PLPPR1: variants seen among roughly 807,000 people sequenced by gnomAD.
The protein encoded by PLPPR1 is phospholipid phosphatase related 1, also known as phospholipid phosphatase-related protein type 1.
In PLPPR1, 10 loss-of-function variants were observed where a neutral mutation model predicts 33.1. The ratio of observed to expected loss-of-function variants is 0.30; its 90% CI spans 0.19 to 0.51. The LOEUF is 0.51. Ranked by LOEUF, PLPPR1 falls within the 20% of genes least tolerant of loss-of-function variation. The pLI, the probability that PLPPR1 is intolerant of heterozygous loss-of-function variation, is 0.97. For missense variants in PLPPR1, 304 were observed against 408.1 expected (o/e 0.74, Z 2.20); for synonymous variants, 151 against 151.0 (o/e 1.00, Z 0.00).
At position 101,210,893 on chromosome 9, in the gene PLPPR1, G is replaced by C. The variant is rs1472947791; in HGVS notation, c.63+25336G>C. Among the ~76,000 whole-genome samples the C allele has an allele frequency of 3.3e-5, 5 of 152,022 alleles. No homozygotes were observed. In the East Asian group the frequency reaches 7.8e-4, roughly 24 times the overall value. On this transcript the variant is annotated intron_variant, in intron 2 of 7. Transcript: ENST00000374874. The stretch of plus-strand genomic sequence containing the variant: ...CACCATTCTCCTGCCTCAGCATCCC[G>C]AGTAGCTGGGACTACAGGCGCCTGC...
chr9:101,091,402 G>C (rs1045069715), intron 1 of PLPPR1, among the ~76,000 whole-genome samples: 1 of 152,120 alleles, frequency 6.6e-6, no homozygotes, highest in African/African-American at 2.4e-5. Flanking sequence ...ATGTTGGCAG[G>C]GCGGCATGTC....
At chr9:101,243,031 G>A (rs1316986779) in intron 2 of PLPPR1, among the ~76,000 whole-genome samples, 2 of 151,988 alleles carry the variant, frequency 1.3e-5, no homozygotes, top group African/African-American at 4.8e-5. Context: ...AAATTCATTA[G>A]GCAAAGAAAT....
intron 1 of PLPPR1, among the ~76,000 whole-genome samples, chr9:101,099,693 T>C (rs1026357480): frequency 1.3e-5 from 2 of 152,170 alleles, no homozygotes; most frequent in Non-Finnish European, 2.9e-5. Context: ...AGAATGACCA[T>C]GCGTATGTTA....
At chr9:101,255,268 A>G (rs1208576260) in intron 2 of PLPPR1, among the ~76,000 whole-genome samples, 1 of 152,146 alleles carries the variant, frequency 6.6e-6, no homozygotes, top group Non-Finnish European at 1.5e-5. Flanking sequence ...ATACTGCAGC[A>G]TGACCAATTT....
At chr9:101,262,811 A>T (rs1827924670) in intron 2 of PLPPR1, among the ~76,000 whole-genome samples, 1 of 152,234 alleles carries the variant, frequency 6.6e-6, no homozygotes. Context: ...ATACCATGAA[A>T]TACTATGCAG....
Position 101,102,138 on chromosome 9 carries a change from CT to C in PLPPR1, c.-46+73047del, listed in dbSNP as rs201534396. On this transcript the variant is annotated intron_variant, in intron 1 of 7. Transcript: ENST00000374874. ...TTGTGGTTCCTATTATAGCTTTATT[CT>C]TTTTTTTTTTATTTTATTATTATAC... Among the ~76,000 whole-genome samples the C allele has an allele frequency of 3.7e-3, 204 of 55,542 alleles. 3 individuals are homozygous for C. Among genetic ancestry groups the C allele is most frequent in the African/African-American group, 7.9e-3 (100 of 12,640 alleles). The allele number at this position is 55,542 out of a possible 152,430, so 36.4% of individuals were successfully genotyped here. A position where few individuals can be genotyped will look rare whatever the true frequency, so the allele number is the denominator to read the frequency against.
At position 101,099,565 on chromosome 9, in the gene PLPPR1, T is replaced by C. The variant is rs943665780; in HGVS notation, c.-46+70463T>C. On this transcript the variant is annotated intron_variant, in intron 1 of 7. Coordinates refer to ENST00000374874, the MANE Select transcript of PLPPR1 (RefSeq NM_207299.2). ...GATGGTTACATCTGTACTGAACAGG[T>C]ACAGACTTTTTTCCCTTTGCATCAT... Among the ~76,000 whole-genome samples, 2 of 152,148 alleles carry C rather than the reference T, an allele frequency of 1.3e-5. 1 individual carries two copies. Among genetic ancestry groups the C allele is most frequent in the Admixed American group, 1.3e-4 (2 of 15,276 alleles).
chr9:101,068,129 T>C (rs945466856), intron 1 of PLPPR1, among the ~76,000 whole-genome samples: 4 of 152,138 alleles, frequency 2.6e-5, no homozygotes, highest in Non-Finnish European at 5.9e-5. Context: ...GCCAAACATT[T>C]ATTGAGCAAA....
chr9:101,290,722 G>A (rs968156662), intron 4 of PLPPR1, among the ~76,000 whole-genome samples: 3 of 152,096 alleles, frequency 2.0e-5, no homozygotes, highest in African/African-American at 7.2e-5. Flanking sequence ...TCAGAAAATG[G>A]TATTAAGAAT....
intron 4 of PLPPR1, among the ~76,000 whole-genome samples, chr9:101,297,937 CA>C: frequency 6.6e-6 from 1 of 151,472 alleles, no homozygotes; most frequent in East Asian, 1.9e-4. Context: ...TTACATTTTC[CA>C]AAAAAAATGT....
rs536382524 is a variant in PLPPR1 at position 101,173,862 on chromosome 9, G to T, written c.-45-11588G>T. ...TATTGGCATTTTGAGGATAGAAGCC[G>T]GCAATATTACTAAACATCCAGCAAT... On this transcript the variant is annotated intron_variant, in intron 1 of 7. Transcript: ENST00000374874. 2.0e-5 allele frequency among the ~76,000 whole-genome samples: 3 copies of T among 152,196 alleles called. No individual in the cohort carries two copies. The South Asian group carries it at 6.2e-4, about 32-fold the overall frequency.
chr9:101,246,170 A>G (rs1006241294), intron 2 of PLPPR1, among the ~76,000 whole-genome samples: 10 of 149,380 alleles, frequency 6.7e-5, no homozygotes, highest in African/African-American at 2.4e-4. Flanking sequence ...TTAAATGGCA[A>G]AAGTCTCAAT....
At position 101,227,984 on chromosome 9, in the gene PLPPR1, G is replaced by A. The variant is rs573349502; in HGVS notation, c.64-41896G>A. ...AGCAGAGATGGGGTTTCACCATATT[G>A]GCCAGGCTGGTCTAGAACTCCTGGC... On this transcript the variant is annotated intron_variant, in intron 2 of 7. Coordinates refer to ENST00000374874, the MANE Select transcript of PLPPR1 (RefSeq NM_207299.2). Among the ~76,000 whole-genome samples, 3 of 152,178 alleles carry A rather than the reference G, an allele frequency of 2.0e-5. No homozygotes were observed. The South Asian group carries it at 6.2e-4, about 32-fold the overall frequency.
chr9:101,093,333 T>C (rs1284157628), intron 1 of PLPPR1, among the ~76,000 whole-genome samples: 1 of 152,138 alleles, frequency 6.6e-6, no homozygotes, highest in Non-Finnish European at 1.5e-5. Flanking sequence ...ATGTAGAAAA[T>C]ATGAACGATA....
At chr9:101,232,296 A>G (rs1827203577) in intron 2 of PLPPR1, among the ~76,000 whole-genome samples, 1 of 151,978 alleles carries the variant, frequency 6.6e-6, no homozygotes, top group South Asian at 2.1e-4. Flanking sequence ...TGGTTCTGCA[A>G]AAACTGGTTC....
chr9:101,043,360 TGTATATACATATGTATATAC>T (rs1223869000), intron 1 of PLPPR1, among the ~76,000 whole-genome samples: 33 of 151,796 alleles, frequency 2.2e-4, no homozygotes, highest in South Asian at 6.2e-4. Flanking sequence ...TGTATGTGTA[TGTATATACATATGTATATAC>T]GTATATACAT....
intron 1 of PLPPR1, among the ~76,000 whole-genome samples, chr9:101,114,048 G>A (rs192273283): frequency 1.6e-5 from 2 of 123,144 alleles, no homozygotes; most frequent in East Asian, 4.3e-4. Context: ...ATGGTCTGAA[G>A]CATTAAAAAA....
chr9:101,086,987 T>C (rs1329604308), intron 1 of PLPPR1, among the ~76,000 whole-genome samples: 3 of 152,122 alleles, frequency 2.0e-5, no homozygotes, highest in Non-Finnish European at 4.4e-5. Flanking sequence ...GAGACCAGCC[T>C]GGCCAACATG....
intron 1 of PLPPR1, among the ~76,000 whole-genome samples, chr9:101,154,042 G>A (rs1356187578): frequency 6.6e-6 from 1 of 152,062 alleles, no homozygotes; most frequent in South Asian, 2.1e-4. Context: ...AACCAGCTTT[G>A]CATCCCTGGG....
Sources: gnomAD v4.1 joint callset for allele counts (sites outside exome capture counted in the v4.1 genomes callset) on GRCh38, gnomAD v4.1.1 for gene constraint, MANE v1.5 for transcripts, NCBI Gene and HGNC (gene_info 2026-07-23, HGNC 2026-07-21) for gene names.